SGF29: variants seen among roughly 807,000 people sequenced by gnomAD.
The protein encoded by SGF29 is SAGA-associated factor 29.
A neutral mutation model predicts 38.1 loss-of-function variants in SGF29; 15 were observed. The observed-to-expected ratio is 0.39, with a 90% CI of 0.26 to 0.61. The LOEUF is 0.61. Among genes scored for constraint, SGF29 ranks in the 20% least tolerant of loss-of-function variants. SGF29 has a pLI of 0.49. For synonymous variants in SGF29, 151 were observed against 160.8 expected, an observed-to-expected ratio of 0.94 and a Z score of 0.46; for missense variants, 184 against 394.6, an observed-to-expected ratio of 0.47 and a Z score of 4.52.
intron 1 of SGF29, among the ~76,000 whole-genome samples, chr16:28,574,765 A>G (rs541578899): frequency 8.5e-4 from 129 of 152,044 alleles, no homozygotes; most frequent in Non-Finnish European, 5.3e-4. Context: ...CTTTTTCCTC[A>G]CTTAGCAGAT....
chr16:28,590,496 A>G lies in SGF29; in HGVS notation c.566+54A>G. The G allele has an allele frequency of 1.9e-6, 3 of 1,613,726 alleles. No individual in the cohort carries two copies. The East Asian group carries it at 6.7e-5, about 36-fold the overall frequency. ...TCTGGTCACCGAACTTGCCTGGGCT[A>G]CGGGAGAAAAGCTCTGCAGAGGGTG... On this transcript the variant is annotated intron_variant, in intron 7 of 9. Transcript: ENST00000317058. This position sits in a 1 kb window ranked among gnomAD's most constrained non-coding sequence, Gnocchi z 8.2.
intron 5 of SGF29, 73 bp downstream of exon 5, chr16:28,589,237 C>A: frequency 6.5e-7 from 1 of 1,533,894 alleles, no homozygotes; most frequent in Non-Finnish European, 9.0e-7. Flanking sequence ...AGCAGTCACC[C>A]TCCTGTGGGG....
At chr16:28,562,903 CA>C (rs753973229) in intron 1 of SGF29, among the ~76,000 whole-genome samples, 3,599 of 50,914 alleles carry the variant, frequency 0.071, 53 homozygotes, top group African/African-American at 0.21. Context: ...GACCCTGTCT[CA>C]AAAAAAAAAA....
intron 1 of SGF29, among the ~76,000 whole-genome samples, chr16:28,572,518 C>A (rs1024361044): frequency 6.6e-6 from 1 of 152,142 alleles, no homozygotes; most frequent in Non-Finnish European, 1.5e-5. Context: ...ATCCGCCTGC[C>A]TCGGCTTCCC....
chr16:28,585,838 C>A, intron 4 of SGF29, 118 bp downstream of exon 4: 3 of 931,514 alleles, frequency 3.2e-6, no homozygotes, highest in Non-Finnish European at 5.2e-6. Flanking sequence ...GATTGCTACT[C>A]CCAGCCTCTC....
intron 4 of SGF29, among the ~76,000 whole-genome samples, chr16:28,587,369 C>G (rs2046961252): frequency 6.6e-6 from 1 of 152,238 alleles, no homozygotes; most frequent in African/African-American, 2.4e-5. Flanking sequence ...AAACTGTATC[C>G]TCCACACAGG....
chr16:28,588,851 G>A (rs1018196958), intron 4 of SGF29, among the ~76,000 whole-genome samples: 7 of 151,110 alleles, frequency 4.6e-5, no homozygotes, highest in Non-Finnish European at 8.9e-5. Flanking sequence ...GATTACAGGC[G>A]TGAACCACCA....
chr16:28,564,772 TGTATATATATATATAC>T lies in SGF29; in HGVS notation c.-16+10676_-16+10691del, dbSNP rs1475983734. On this transcript the variant is annotated intron_variant, in intron 1 of 9. Coordinates refer to ENST00000317058, the MANE Select transcript of SGF29 (RefSeq NM_138414.3). ...ATATATATGTATATATGTATATATA[TGTATATATATATATAC>T]ACACACACACACACACACAAACACA... 1.3e-3 allele frequency among the ~76,000 whole-genome samples: 54 copies of T among 41,054 alleles called. No homozygotes were observed. The South Asian group carries it at 0.02, about 15-fold the overall frequency. The allele number at this position is 41,054 out of a possible 152,430, so 26.9% of individuals were successfully genotyped here. A position where few individuals can be genotyped will look rare whatever the true frequency, so the allele number is the denominator to read the frequency against.
chr16:28,568,313 C>CAAAAAA (rs148414167), intron 1 of SGF29, among the ~76,000 whole-genome samples: 5 of 54,216 alleles, frequency 9.2e-5, no homozygotes, highest in Non-Finnish European at 6.5e-5. Context: ...AACTCCATCT[C>CAAAAAA]AAAAAAAAAA....
chr16:28,564,566 C>CACGTATATATATACACACATATATGT (rs2151643098), intron 1 of SGF29, among the ~76,000 whole-genome samples: 1 of 106,650 alleles, frequency 9.4e-6, no homozygotes, highest in East Asian at 2.5e-4. Context: ...TATATATATA[C>CACGTATATATATACACACATATATGT]GTATATATAT....
rs1567285606 is a variant in SGF29 at position 28,564,553 on chromosome 16, A to ACG, written c.-16+10456_-16+10457insCG. Among the ~76,000 whole-genome samples, 30 of 108,716 alleles carry ACG rather than the reference A, an allele frequency of 2.8e-4. No individual in the cohort carries two copies. In the East Asian group the frequency reaches 2.8e-3, roughly 10 times the overall value. 71.3% of individuals were successfully genotyped at this position (108,716 alleles called of 152,430 possible). ...TATATATATATGTATATATATACGT[A>ACG]TATATATATATACGTATATATATAC... On this transcript the variant is annotated intron_variant, in intron 1 of 9. Transcript: ENST00000317058.
chr16:28,561,623 C>G (rs1245469623), intron 1 of SGF29, among the ~76,000 whole-genome samples: 2 of 152,080 alleles, frequency 1.3e-5, no homozygotes, highest in Non-Finnish European at 2.9e-5. Flanking sequence ...CACGAGCATG[C>G]TAGGAGTCAA....
intron 2 of SGF29, among the ~76,000 whole-genome samples, chr16:28,582,776 C>G (rs1462630305): frequency 6.6e-6 from 1 of 151,972 alleles, no homozygotes; most frequent in African/African-American, 2.4e-5. Context: ...AACTCCATCT[C>G]TACTAAAAAT....
At chr16:28,564,577 A>C (rs1375618237) in intron 1 of SGF29, among the ~76,000 whole-genome samples, 1 of 132,010 alleles carries the variant, frequency 7.6e-6, no homozygotes, top group Non-Finnish European at 1.6e-5. Flanking sequence ...GTATATATAT[A>C]CACGTATATA....
At chr16:28,572,354 C>A (rs1034453706) in intron 1 of SGF29, among the ~76,000 whole-genome samples, 2 of 151,732 alleles carry the variant, frequency 1.3e-5, no homozygotes, top group African/African-American at 4.8e-5. Flanking sequence ...ACTGCAACAT[C>A]CGCCTGCTGG....
intron 4 of SGF29, among the ~76,000 whole-genome samples, chr16:28,586,168 A>G (rs186481628): frequency 6.6e-6 from 1 of 152,176 alleles, no homozygotes; most frequent in Non-Finnish European, 1.5e-5. Context: ...TGTGTCTGTA[A>G]GCTTGGCTGG....
chr16:28,571,897 C>T (rs1451224788), intron 1 of SGF29, among the ~76,000 whole-genome samples: 1 of 152,246 alleles, frequency 6.6e-6, no homozygotes, highest in Non-Finnish European at 1.5e-5. Context: ...GATTTCCGTT[C>T]TTGCCTGAGA....
chr16:28,562,903 C>CAAAAAA (rs753973229), intron 1 of SGF29, among the ~76,000 whole-genome samples: 2 of 50,886 alleles, frequency 3.9e-5, no homozygotes, highest in Non-Finnish European at 3.5e-5. Flanking sequence ...GACCCTGTCT[C>CAAAAAA]AAAAAAAAAA....
intron 1 of SGF29, among the ~76,000 whole-genome samples, chr16:28,557,228 G>A (rs752033318): frequency 7.9e-5 from 12 of 152,148 alleles, no homozygotes; most frequent in African/African-American, 1.7e-4. Context: ...TCTTCAGACC[G>A]TGCTTAATGA....
Sources: gnomAD v4.1 joint callset for allele counts (sites outside exome capture counted in the v4.1 genomes callset) on GRCh38, gnomAD v4.1.1 for gene constraint, Gnocchi (gnomAD v3.1) non-coding constraint, MANE v1.5 for transcripts, NCBI Gene and HGNC (gene_info 2026-07-23, HGNC 2026-07-21) for gene names.